The following CLIP2 variants were observed in gnomAD, a reference collection of about 807,000 sequenced individuals.
CLIP2 encodes CAP-Gly domain-containing linker protein 2.
In CLIP2, 41 loss-of-function variants were observed where a neutral mutation model predicts 111.7. The observed-to-expected ratio is 0.37, with a 90% confidence interval of 0.29 to 0.48. The LOEUF is 0.48. Ranked by LOEUF, CLIP2 falls within the 20% of genes least tolerant of loss-of-function variation. The probability of loss-of-function intolerance (pLI) is 0.99; values close to 1 mark genes in which losing one functional copy is unlikely to be tolerated. For synonymous variants in CLIP2, 660 were observed against 644.2 expected (o/e 1.02, Z -0.37); for missense variants, 1,160 against 1,422.1 (o/e 0.82, Z 2.96).
At chr7:74,343,845 G>C (rs540047257) in intron 3 of CLIP2, among the ~76,000 whole-genome samples, 1 of 152,058 alleles carries the variant, frequency 6.6e-6, no homozygotes, top group Non-Finnish European at 1.5e-5. Context: ...CAAGGCTGCA[G>C]TGAGCCACGA....
chr7:74,365,591 G>C (rs1790456179), intron 8 of CLIP2, among the ~76,000 whole-genome samples: 1 of 152,232 alleles, frequency 6.6e-6, no homozygotes. Context: ...AGCCGGCCCT[G>C]GCTGGGAGAG....
At chr7:74,316,563 T>C (rs1554729166) in intron 1 of CLIP2, among the ~76,000 whole-genome samples, 1 of 151,084 alleles carries the variant, frequency 6.6e-6, no homozygotes, top group African/African-American at 2.4e-5. Context: ...TTTAGGGCTT[T>C]TTTTTTTTTT....
At chr7:74,334,978 G>A (rs575244239) in intron 2 of CLIP2, among the ~76,000 whole-genome samples, 2 of 151,720 alleles carry the variant, frequency 1.3e-5, no homozygotes, top group Admixed American at 6.6e-5. Flanking sequence ...CTCCAGCCTG[G>A]GCAACAGAGT....
rs1430154445 is a variant in CLIP2 at position 74,289,586 on chromosome 7, C to A, written c.-216C>A. ...GCCCTGAGCACCTATCGCGGGGATC[C>A]CCGGCGCCAGGAGGGGGTGCAGCCG... On this transcript the variant is annotated 5_prime_UTR_variant, in exon 1 of 17. Transcript: ENST00000223398. 3 of 151,836 alleles carry A rather than the reference C, an allele frequency of 2.0e-5. No homozygotes were observed. The highest frequency in any genetic ancestry group is 7.2e-5 in the African/African-American group (3 of 41,384). 9.4% of individuals were successfully genotyped at this position (151,836 alleles called of 1,614,324 possible). A position where few individuals can be genotyped will look rare whatever the true frequency, so the allele number is the denominator to read the frequency against.
Position 74,388,086 on chromosome 7 carries a change from T to C in CLIP2, c.2564-1017T>C, listed in dbSNP as rs184798514. Among the ~76,000 whole-genome samples the C allele has an allele frequency of 1.1e-3, 165 of 152,012 alleles. 1 individual carries two copies. Among genetic ancestry groups the C allele is most frequent in the African/African-American group, 3.9e-3 (162 of 41,500 alleles). ...GGCTCATGCCTGTAATCCCAGCAGT[T>C]TGGGAGGCCGAAGCGGGTAGATCAC... On this transcript the variant is annotated intron_variant, in intron 12 of 16. Transcript: ENST00000223398.
chr7:74,373,069 A>G lies in CLIP2; in HGVS notation c.1485+33A>G, dbSNP rs1554312254. 2.7e-6 allele frequency: 4 copies of G among 1,464,132 alleles called. No individual in the cohort carries two copies. In the South Asian group the frequency reaches 4.9e-5, roughly 18 times the overall value. The allele number at this position is 1,464,132 out of a possible 1,614,324, so 90.7% of individuals were successfully genotyped here. On this transcript the variant is annotated intron_variant, in intron 9 of 16. Transcript: ENST00000223398. ...CGCCACCGCACCCGCCTGGCCCGCC[A>G]GCCACCTTGCCCTTTGATGCCCCCT...
At chr7:74,380,577 C>T in intron 10 of CLIP2, 1 of 426,616 alleles carries the variant, frequency 2.3e-6, no homozygotes, top group Non-Finnish European at 4.2e-6. Context: ...ATAAGCTGCA[C>T]AGGCGGCCTT....
chr7:74,298,148 C>T (rs1195335932), intron 1 of CLIP2, among the ~76,000 whole-genome samples: 3 of 151,756 alleles, frequency 2.0e-5, no homozygotes, highest in African/African-American at 7.3e-5. Flanking sequence ...AGTTCGAGAC[C>T]AACCTGGGCA....
chr7:74,360,964 T>C (rs896667355), intron 7 of CLIP2, among the ~76,000 whole-genome samples: 2 of 152,138 alleles, frequency 1.3e-5, no homozygotes, highest in East Asian at 3.9e-4. Context: ...CAGGTGTCCC[T>C]GGGGAGCCGT....
intron 3 of CLIP2, among the ~76,000 whole-genome samples, chr7:74,345,074 G>A (rs1164176480): frequency 1.9e-4 from 29 of 152,170 alleles, no homozygotes; most frequent in African/African-American, 6.3e-4. Flanking sequence ...AACAGTACCC[G>A]CCTCATGGAA....
chr7:74,362,093 C>T (rs1299760227), intron 7 of CLIP2, among the ~76,000 whole-genome samples: 1 of 150,820 alleles, frequency 6.6e-6, no homozygotes, highest in Admixed American at 6.6e-5. Context: ...GAGCGAGGCT[C>T]CGCCTCAAAA....
At chr7:74,289,812 G>C (rs1787958949) in intron 1 of CLIP2, 78 bp downstream of exon 1, 1 of 151,982 alleles carries the variant, frequency 6.6e-6, no homozygotes, top group Non-Finnish European at 1.5e-5. Flanking sequence ...GCGGCGGCCT[G>C]GCCGAAAGCG....
In CLIP2 at chr7:74,400,405, C is replaced by A; in HGVS notation, c.2916C>A (p.Tyr972Ter). 6.2e-7 allele frequency: 1 copy of A among 1,613,270 alleles called. No homozygotes were observed. The highest frequency in any genetic ancestry group is 8.5e-7 in the Non-Finnish European group (1 of 1,179,506). Reference sequence around the variant, plus strand: ...AATCCCTGTCGGATCAGAGGCGCTACTCCCTCATCGACCGGTCCTCGGCGC... The same window carrying A: ...AATCCCTGTCGGATCAGAGGCGCTAATCCCTCATCGACCGGTCCTCGGCGC... ...KEKSLSDQRR[Y>*]SLIDRSSAPE... Residue 972 changes from tyrosine to a stop codon, truncating the protein, a stop_gained, in exon 15 of 17, where the codon TAC becomes TAA. Transcript: ENST00000223398. LOFTEE classifies it high-confidence loss of function.
At chr7:74,342,662 C>G (rs1269560626) in intron 3 of CLIP2, among the ~76,000 whole-genome samples, 1 of 152,108 alleles carries the variant, frequency 6.6e-6, no homozygotes, top group Non-Finnish European at 1.5e-5. Context: ...ACCTGTAATC[C>G]CAGCATTTTG....
intron 10 of CLIP2, among the ~76,000 whole-genome samples, chr7:74,378,450 G>T (rs188961888): frequency 6.6e-6 from 1 of 151,954 alleles, no homozygotes; most frequent in East Asian, 2.0e-4. Context: ...ATTCAAACCA[G>T]AATTTAGGGG....
intron 1 of CLIP2, among the ~76,000 whole-genome samples, chr7:74,299,759 T>C (rs1426753348): frequency 6.6e-6 from 1 of 151,800 alleles, no homozygotes; most frequent in Non-Finnish European, 1.5e-5. Flanking sequence ...AGTGCAATGG[T>C]GTGATCTCGG....
At chr7:74,323,835 T>C (rs1789035526) in intron 2 of CLIP2, among the ~76,000 whole-genome samples, 1 of 152,166 alleles carries the variant, frequency 6.6e-6, no homozygotes, top group African/African-American at 2.4e-5. Flanking sequence ...CTAGGAGCAG[T>C]GGACTAGACC....
intron 2 of CLIP2, among the ~76,000 whole-genome samples, chr7:74,335,502 C>CATTTATTT (rs60843727): frequency 4.6e-4 from 69 of 149,356 alleles, no homozygotes; most frequent in Admixed American, 7.4e-4. Context: ...CTTATTTATT[C>CATTTATTT]ATTTATTTAT....
rs541466785 is a variant in CLIP2 at position 74,311,129 on chromosome 7, G to A, written c.-67-6351G>A. On this transcript the variant is annotated intron_variant, in intron 1 of 16. Coordinates refer to ENST00000223398, the MANE Select transcript of CLIP2 (RefSeq NM_003388.5). The stretch of plus-strand genomic sequence containing the variant: ...CGAGTAGCTGGGACTACAGGTGTCT[G>A]CCACCACGCTCGGCTAATTTTTTGT... Among the ~76,000 whole-genome samples the A allele has an allele frequency of 2.0e-3, 305 of 151,970 alleles. 2 individuals carry two copies. Among genetic ancestry groups the A allele is most frequent in the Admixed American group, 3.9e-3 (59 of 15,214 alleles).
Sources: gnomAD v4.1 joint callset for allele counts (sites outside exome capture counted in the v4.1 genomes callset) on GRCh38, gnomAD v4.1.1 for gene constraint, MANE v1.5 for transcripts, NCBI Gene and HGNC (gene_info 2026-07-23, HGNC 2026-07-21) for gene names.